The following PDLIM5 variants were observed in gnomAD, a reference collection of about 807,000 sequenced individuals.
PDLIM5 encodes the protein PDZ and LIM domain 5, also known as PDZ and LIM domain protein 5.
Under a neutral mutation model 64.2 loss-of-function variants are expected in PDLIM5, and 34 were observed. The observed-to-expected ratio is 0.53, with a 90% CI of 0.40 to 0.71. The LOEUF is 0.71. Ranked by LOEUF, PDLIM5 falls within the 30% of genes least tolerant of loss-of-function variation. PDLIM5 has a pLI of 0.00. For missense variants in PDLIM5, 683 were observed against 733.6 expected, an observed-to-expected ratio of 0.93 and a Z score of 0.80; for synonymous variants, 253 against 269.1, an observed-to-expected ratio of 0.94 and a Z score of 0.59.
chr4:94,554,455 T>C (rs1245072431), intron 3 of PDLIM5, among the ~76,000 whole-genome samples: 1 of 152,186 alleles, frequency 6.6e-6, no homozygotes, highest in African/African-American at 2.4e-5. Context: ...CATTTATATA[T>C]GTATATACAT....
Position 94,665,601 on chromosome 4 carries a change from A to AATAAATTAGTTAAATC in PDLIM5, c.*1536_*1551dup, listed in dbSNP as rs1243858959. 25 of 987,516 alleles carry AATAAATTAGTTAAATC rather than the reference A, an allele frequency of 2.5e-5. No homozygotes were observed. The African/African-American group carries it at 3.8e-4, about 15-fold the overall frequency. 61.2% of individuals were successfully genotyped at this position (987,516 alleles called of 1,614,324 possible). A position where few individuals can be genotyped will look rare whatever the true frequency, so the allele number is the denominator to read the frequency against. ...GTTTTTCAATCCCCTTTTCTCAAAT[A>AATAAATTAGTTAAATC]ATAAATTAGTTAAATCAGTTTCTGA... On this transcript the variant is annotated 3_prime_UTR_variant, in exon 13 of 13. Transcript: ENST00000317968.
chr4:94,543,226 A>G (rs887836711), intron 3 of PDLIM5, among the ~76,000 whole-genome samples: 1 of 152,182 alleles, frequency 6.6e-6, no homozygotes, highest in Non-Finnish European at 1.5e-5. Context: ...TGGCAGGATC[A>G]CATTCCCTCT....
At chr4:94,600,401 CAT>C (rs1288380492) in intron 7 of PDLIM5, among the ~76,000 whole-genome samples, 2 of 152,174 alleles carry the variant, frequency 1.3e-5, no homozygotes, top group East Asian at 3.9e-4. Flanking sequence ...TTTCTCAAGA[CAT>C]GTGGCCTCTT....
chr4:94,508,488 A>G (rs1728589273), intron 2 of PDLIM5, among the ~76,000 whole-genome samples: 1 of 152,194 alleles, frequency 6.6e-6, no homozygotes, highest in South Asian at 2.1e-4. Flanking sequence ...GAAAGGCTAC[A>G]GCTGTATAAA....
intron 7 of PDLIM5, among the ~76,000 whole-genome samples, chr4:94,600,516 A>C (rs1737410447): frequency 6.6e-6 from 1 of 152,234 alleles, no homozygotes; most frequent in Non-Finnish European, 1.5e-5. Context: ...TAAATAATAC[A>C]TGCCTTTCTC....
At chr4:94,638,606 A>G (rs562122996) in intron 8 of PDLIM5, among the ~76,000 whole-genome samples, 1 of 152,246 alleles carries the variant, frequency 6.6e-6, no homozygotes, top group Non-Finnish European at 1.5e-5. Flanking sequence ...GTGTTTTTAC[A>G]TATATATGTA....
chr4:94,548,763 A>G (rs1449122830), intron 3 of PDLIM5, among the ~76,000 whole-genome samples: 1 of 152,130 alleles, frequency 6.6e-6, no homozygotes, highest in Admixed American at 6.6e-5. Flanking sequence ...GTTCACAGAT[A>G]AATTGGTCTT....
intron 11 of PDLIM5, among the ~76,000 whole-genome samples, chr4:94,657,759 T>C (rs898769468): frequency 1.3e-5 from 2 of 152,136 alleles, no homozygotes; most frequent in East Asian, 1.9e-4. Flanking sequence ...CAGACTGCAG[T>C]GCAATGGCCC....
rs1732888180 is a variant in PDLIM5, at chr4:94,552,404, C to G, written c.249-20947C>G. Among the ~76,000 whole-genome samples the G allele has an allele frequency of 2.0e-5, 3 of 152,086 alleles. No individual in the cohort carries two copies. The South Asian group carries it at 6.2e-4, about 32-fold the overall frequency. On this transcript the variant is annotated intron_variant, in intron 3 of 12. Coordinates refer to ENST00000317968, the MANE Select transcript of PDLIM5 (RefSeq NM_006457.5). ...AAGTAAGGGAAAAATGAAAGTATTG[C>G]TTAAAAGCTGTTTTCAAAGCTTGCA...
At chr4:94,567,117 C>A (rs569231338) in intron 3 of PDLIM5, among the ~76,000 whole-genome samples, 1 of 152,300 alleles carries the variant, frequency 6.6e-6, no homozygotes, top group East Asian at 1.9e-4. Flanking sequence ...TTCAGCCTCC[C>A]GAGTAGCTGG....
intron 8 of PDLIM5, 100 bp downstream of exon 8, chr4:94,618,291 C>G: frequency 1.5e-6 from 1 of 685,874 alleles, no homozygotes; most frequent in Non-Finnish European, 2.3e-6. Context: ...AAAACCCATT[C>G]TCAATAACCT....
At chr4:94,550,055 C>T (rs1732675421) in intron 3 of PDLIM5, 1 of 151,966 alleles carries the variant, frequency 6.6e-6, no homozygotes, top group South Asian at 2.1e-4. Flanking sequence ...TAGTATCCAG[C>T]ATACACATAA....
chr4:94,569,486 A>G (rs1734623251), intron 3 of PDLIM5, among the ~76,000 whole-genome samples: 1 of 151,970 alleles, frequency 6.6e-6, no homozygotes, highest in South Asian at 2.1e-4. Context: ...CGTCCAGCTA[A>G]TTTTTGTATG....
intron 2 of PDLIM5, among the ~76,000 whole-genome samples, chr4:94,496,318 T>A (rs1226123059): frequency 2.0e-5 from 3 of 152,206 alleles, no homozygotes; most frequent in Non-Finnish European, 4.4e-5. Flanking sequence ...TTAATGATGA[T>A]CAGTACAAGA....
chr4:94,654,528 A>C lies in PDLIM5; in HGVS notation c.1352A>C (p.Asn451Thr), dbSNP rs1742069154. 1 of 1,612,416 alleles carries C rather than the reference A, an allele frequency of 6.2e-7. No homozygotes were observed. The highest frequency in any genetic ancestry group is 1.3e-5 in the African/African-American group (1 of 74,892). Residue 451 changes from asparagine to threonine, a missense_variant, in exon 10 of 13, where the codon AAT (asparagine) becomes ACT (threonine). Physicochemically the swap from Asn to Thr is moderately conservative, Grantham distance 65. Coordinates refer to ENST00000317968, the MANE Select transcript of PDLIM5 (RefSeq NM_006457.5). ...PEEFNCAHCK[N>T]TMAYIGFVEE... ...GAATTCAACTGCGCTCACTGCAAAA[A>C]TACAATGGCCTACATTGGATTTGTA...
chr4:94,474,994 G>T (rs868298882), intron 2 of PDLIM5, among the ~76,000 whole-genome samples: 8 of 152,162 alleles, frequency 5.3e-5, no homozygotes, highest in African/African-American at 1.9e-4. Flanking sequence ...TTGGGAAGGG[G>T]CAGTTTTTCC....
At chr4:94,602,447 C>T (rs1737578649) in intron 7 of PDLIM5, among the ~76,000 whole-genome samples, 1 of 151,920 alleles carries the variant, frequency 6.6e-6, no homozygotes, top group Non-Finnish European at 1.5e-5. Context: ...AGAACTTTAC[C>T]ATCCTGCAGC....
rs538397155 is a variant in PDLIM5, at chr4:94,488,497, T to G, written c.96+33113T>G. ...CATGATATTCTTAAAATAACTTGCT[T>G]CTACTTTGAATAGATTAAAAACAAT... On this transcript the variant is annotated intron_variant, in intron 2 of 12. Coordinates refer to ENST00000317968, the MANE Select transcript of PDLIM5 (RefSeq NM_006457.5). Among the ~76,000 whole-genome samples the G allele has an allele frequency of 1.1e-4, 17 of 152,340 alleles. No individual in the cohort carries two copies. The East Asian group carries it at 3.1e-3, about 28-fold the overall frequency.
chr4:94,608,728 A>T (rs1250699085), intron 7 of PDLIM5, among the ~76,000 whole-genome samples: 1 of 152,178 alleles, frequency 6.6e-6, no homozygotes, highest in African/African-American at 2.4e-5. Context: ...AGTTCTTATT[A>T]TTCACCATTA....
Sources: gnomAD v4.1 joint callset for allele counts (sites outside exome capture counted in the v4.1 genomes callset) on GRCh38, gnomAD v4.1.1 for gene constraint, MANE v1.5 for transcripts, NCBI Gene and HGNC (gene_info 2026-07-23, HGNC 2026-07-21) for gene names.